The following DYM variants were observed in gnomAD, a reference collection of about 807,000 sequenced individuals.
DYM encodes the protein dyggve-Melchior-Clausen syndrome protein.
A neutral mutation model predicts 93.1 loss-of-function variants in DYM; 78 were observed. The ratio of observed to expected loss-of-function variants is 0.84; its 90% CI spans 0.70 to 1.01. The LOEUF (loss-of-function observed/expected upper bound fraction) is 1.01, where lower values mean the gene tolerates loss of function less well. Among genes scored for constraint, DYM ranks in the 50% least tolerant of loss-of-function variants. The pLI, the probability that DYM is intolerant of heterozygous loss-of-function variation, is 0.00. For synonymous variants in DYM, 321 were observed against 319.7 expected (o/e 1.00, Z -0.04); for missense variants, 789 against 845.0 (o/e 0.93, Z 0.82).
At chr18:49,422,262 T>C (rs201883134) in intron 2 of DYM, among the ~76,000 whole-genome samples, 13,937 of 152,136 alleles carry the variant, frequency 0.092, 854 homozygotes, top group East Asian at 0.31. Context: ...AGAGAAAGGT[T>C]GGGTTACCCA....
intron 1 of DYM, among the ~76,000 whole-genome samples, chr18:49,432,496 A>G (rs1047549616): frequency 4.6e-5 from 7 of 151,982 alleles, no homozygotes; most frequent in Non-Finnish European, 1.0e-4. Context: ...ATGTTTAAAA[A>G]AAAAAGCAAG....
At chr18:49,382,161 G>A (rs1331143411) in intron 3 of DYM, among the ~76,000 whole-genome samples, 1 of 152,062 alleles carries the variant, frequency 6.6e-6, no homozygotes, top group Admixed American at 6.6e-5. Flanking sequence ...AAAACATCTT[G>A]TGTTTTTGGA....
At chr18:49,069,914 G>A (rs1476539111) in intron 17 of DYM, among the ~76,000 whole-genome samples, 1 of 152,198 alleles carries the variant, frequency 6.6e-6, no homozygotes. Context: ...GGTGGCGCAT[G>A]CCCGTAATCC....
chr18:49,050,196 C>T (rs1257958282), intron 17 of DYM, among the ~76,000 whole-genome samples: 1 of 150,754 alleles, frequency 6.6e-6, no homozygotes, highest in Non-Finnish European at 1.5e-5. Context: ...AAGCAATTGT[C>T]CTGCCTCGGC....
chr18:49,149,832 G>C (rs747436745), intron 15 of DYM, among the ~76,000 whole-genome samples: 1 of 142,668 alleles, frequency 7.0e-6, no homozygotes, highest in Admixed American at 7.5e-5. Flanking sequence ...TCAGCCTCCC[G>C]AGTAGCTGGG....
At chr18:49,213,959 C>A (rs983068699) in intron 13 of DYM, among the ~76,000 whole-genome samples, 1 of 152,210 alleles carries the variant, frequency 6.6e-6, no homozygotes, top group Non-Finnish European at 1.5e-5. Context: ...TTATCCTTCA[C>A]AGATTCAAAA....
At chr18:49,252,216 CAAAAAAAAAAAAAA>C (rs774500057) in intron 13 of DYM, among the ~76,000 whole-genome samples, 1 of 27,230 alleles carries the variant, frequency 3.7e-5, no homozygotes, top group Non-Finnish European at 5.4e-5. Context: ...AGACTTGCCT[CAAAAAAAAAAAAAA>C]AAAAAAAAAA....
Position 49,163,677 on chromosome 18 carries a change from C to T in DYM, c.1728+8G>A, listed in dbSNP as rs751077860. The T allele has an allele frequency of 2.9e-5, 46 of 1,592,116 alleles. No homozygotes were observed. The South Asian group carries it at 5.0e-4, about 17-fold the overall frequency. On this transcript the variant is annotated splice_region_variant and intron_variant, in intron 15 of 17. Coordinates refer to ENST00000675505, the MANE Select transcript of DYM (RefSeq NM_001353214.3). Reference sequence around the variant, plus strand: ...AATTTTTTATTGATGAATAAGGTAACTACTTACATAATCTGGTAGAGGAAC... The same window carrying T: ...AATTTTTTATTGATGAATAAGGTAATTACTTACATAATCTGGTAGAGGAAC...
At chr18:49,117,098 G>A (rs936461819) in intron 16 of DYM, among the ~76,000 whole-genome samples, 1 of 152,250 alleles carries the variant, frequency 6.6e-6, no homozygotes, top group South Asian at 2.1e-4. Context: ...AAACATCCTT[G>A]TGTGAAATGG....
intron 13 of DYM, among the ~76,000 whole-genome samples, chr18:49,245,827 G>T (rs2094151101): frequency 6.6e-6 from 1 of 152,138 alleles, no homozygotes; most frequent in Non-Finnish European, 1.5e-5. Flanking sequence ...GGGTATCACA[G>T]AACCTGCCGA....
At chr18:49,220,974 G>C (rs887758606) in intron 13 of DYM, among the ~76,000 whole-genome samples, 218 of 152,188 alleles carry the variant, frequency 1.4e-3, no homozygotes, top group African/African-American at 3.3e-3. Context: ...AGGCAACCTA[G>C]AGAATGGGAG....
intron 2 of DYM, among the ~76,000 whole-genome samples, chr18:49,427,655 T>C (rs1012201421): frequency 1.3e-5 from 2 of 152,216 alleles, no homozygotes; most frequent in African/African-American, 4.8e-5. Context: ...CCAGTGTCTA[T>C]TAATTTCTGA....
chr18:49,110,958 T>A (rs1250510575), intron 16 of DYM, among the ~76,000 whole-genome samples: 1 of 152,222 alleles, frequency 6.6e-6, no homozygotes, highest in African/African-American at 2.4e-5. Flanking sequence ...ACAGATTTTT[T>A]TCACAAGCCC....
chr18:49,104,019 C>T (rs1009166898), intron 16 of DYM, among the ~76,000 whole-genome samples: 2 of 152,190 alleles, frequency 1.3e-5, no homozygotes, highest in South Asian at 2.1e-4. Flanking sequence ...GCCATTATCA[C>T]GATATTGATT....
At chr18:49,170,415 T>G (rs1465848166) in intron 14 of DYM, among the ~76,000 whole-genome samples, 1 of 151,870 alleles carries the variant, frequency 6.6e-6, no homozygotes, top group African/African-American at 2.4e-5. Context: ...GGAGGAGAAA[T>G]TTTAGGCTAT....
At chr18:49,141,396 C>T (rs1264207349) in intron 15 of DYM, among the ~76,000 whole-genome samples, 3 of 152,126 alleles carry the variant, frequency 2.0e-5, no homozygotes, top group Admixed American at 1.3e-4. Context: ...AACTCTTTAC[C>T]GTAAATGGGC....
At chr18:49,140,572 G>C (rs998300793) in intron 15 of DYM, among the ~76,000 whole-genome samples, 9 of 152,150 alleles carry the variant, frequency 5.9e-5, no homozygotes, top group Admixed American at 1.3e-4. Flanking sequence ...ATTTTAAAAA[G>C]TCAAGACATT....
At chr18:49,107,806 G>C (rs1166594983) in intron 16 of DYM, among the ~76,000 whole-genome samples, 3 of 152,230 alleles carry the variant, frequency 2.0e-5, no homozygotes, top group Admixed American at 2.0e-4. Flanking sequence ...TGAAGTGTCA[G>C]TCTGCCCCTA....
rs575899343 is a variant in DYM, at chr18:49,192,013, TGCA to T, written c.1625+17535_1625+17537del. ...GTGTAATAGTGCAATCATAGCTCAC[TGCA>T]GCCTCAAACACCTGGGCTCAAGCGA... On this transcript the variant is annotated intron_variant, in intron 14 of 17. Transcript: ENST00000675505. 1.3e-3 allele frequency among the ~76,000 whole-genome samples: 196 copies of T among 151,910 alleles called. 1 individual carries two copies. The highest frequency in any genetic ancestry group is 4.4e-3 in the African/African-American group (182 of 41,414).
Sources: gnomAD v4.1 joint callset for allele counts (sites outside exome capture counted in the v4.1 genomes callset) on GRCh38, gnomAD v4.1.1 for gene constraint, MANE v1.5 for transcripts, NCBI Gene and HGNC (gene_info 2026-07-23, HGNC 2026-07-21) for gene names.